The following KCNT2 variants were observed in gnomAD, a reference collection of about 807,000 sequenced individuals.
KCNT2 encodes the protein potassium channel subfamily T member 2.
In KCNT2, 67 loss-of-function variants were observed where a neutral mutation model predicts 153.8. The observed-to-expected ratio is 0.44, with a 90% confidence interval of 0.36 to 0.53. The LOEUF (loss-of-function observed/expected upper bound fraction) is 0.53, where lower values mean the gene tolerates loss of function less well. Among genes scored for constraint, KCNT2 ranks in the 20% least tolerant of loss-of-function variants. KCNT2 has a pLI of 0.00. For missense variants in KCNT2, 975 were observed against 1,354.8 expected, an observed-to-expected ratio of 0.72 and a Z score of 4.40; for synonymous variants, 500 against 458.8, an observed-to-expected ratio of 1.09 and a Z score of -1.15.
chr1:196,566,047 T>C (rs1393097199), intron 1 of KCNT2, among the ~76,000 whole-genome samples: 1 of 151,966 alleles, frequency 6.6e-6, no homozygotes, highest in African/African-American at 2.4e-5. Flanking sequence ...CTATAATGTA[T>C]ACATATTGTA....
At chr1:196,411,371 C>T (rs1672312988) in intron 12 of KCNT2, among the ~76,000 whole-genome samples, 1 of 134,092 alleles carries the variant, frequency 7.5e-6, no homozygotes, top group Non-Finnish European at 1.6e-5. Flanking sequence ...CTTCTTTGTT[C>T]TTAGGATTGC....
At chr1:196,450,042 T>A (rs1676023101) in intron 8 of KCNT2, among the ~76,000 whole-genome samples, 1 of 151,750 alleles carries the variant, frequency 6.6e-6, no homozygotes, top group Non-Finnish European at 1.5e-5. Context: ...AATAAAAAAA[T>A]ATTCTCAAAT....
rs368267040 is a variant in KCNT2, at chr1:196,422,301, C to A, written c.1185+749G>T. ...CCTGAAAGATCTATGCACAGTTTGC[C>A]TTTTCCCATTCTCTATAGAAACCAC... On this transcript the variant is annotated intron_variant, in intron 12 of 27. Coordinates refer to ENST00000294725, the MANE Select transcript of KCNT2 (RefSeq NM_198503.5). Among the ~76,000 whole-genome samples, 408 of 152,032 alleles carry A rather than the reference C, an allele frequency of 2.7e-3. 2 individuals carry two copies. Among genetic ancestry groups the A allele is most frequent in the African/African-American group, 9.4e-3 (391 of 41,492 alleles).
chr1:196,261,459 C>T (rs529211559), intron 25 of KCNT2, among the ~76,000 whole-genome samples: 176 of 151,908 alleles, frequency 1.2e-3, no homozygotes, highest in Middle Eastern at 3.4e-3. Flanking sequence ...TCTTAGAAAA[C>T]ACCCAATAAA....
Position 196,315,912 on chromosome 1 carries a change from C to T in KCNT2, c.2463G>A (p.Val821=). 6.2e-7 allele frequency: 1 copy of T among 1,607,232 alleles called. No individual in the cohort carries two copies. Among genetic ancestry groups the T allele is most frequent in the South Asian group, 1.1e-5 (1 of 90,302 alleles). The change falls in exon 21 of 28, where the codon GTG becomes GTA. Residue 821 remains valine (V), a synonymous_variant. Transcript: ENST00000294725. The part of the protein sequence containing the change: ...EDYMADAKTI[V]NVQTLFRLFS... ...CTTACCTGAAGAGTGTCTGCACGTTCACAATGGTTTTGGCATCTGCCATGT... is the reference window on the plus strand; with the variant it reads ...CTTACCTGAAGAGTGTCTGCACGTTTACAATGGTTTTGGCATCTGCCATGT...
intron 14 of KCNT2, among the ~76,000 whole-genome samples, chr1:196,345,838 A>C (rs920952970): frequency 6.6e-6 from 1 of 152,150 alleles, no homozygotes; most frequent in Non-Finnish European, 1.5e-5. Flanking sequence ...CAAACAAATA[A>C]ATATACATAT....
chr1:196,262,312 A>G (rs868188062), intron 25 of KCNT2, among the ~76,000 whole-genome samples: 2 of 151,954 alleles, frequency 1.3e-5, no homozygotes, highest in South Asian at 2.1e-4. Context: ...AAATAAATCA[A>G]TTCACTTAGT....
At chr1:196,312,051 A>T (rs1214423552) in intron 21 of KCNT2, among the ~76,000 whole-genome samples, 1 of 151,876 alleles carries the variant, frequency 6.6e-6, no homozygotes, top group African/African-American at 2.4e-5. Flanking sequence ...ATACATTTAA[A>T]TTTGAAATTG....
chr1:196,479,310 TAAC>T, intron 4 of KCNT2, 72 bp from the exon 5 acceptor site: 1 of 852,850 alleles, frequency 1.2e-6, no homozygotes, highest in Non-Finnish European at 1.9e-6. Context: ...GCTATACTAC[TAAC>T]TTTATTTAAA....
At chr1:196,396,734 A>T (rs1013430357) in intron 13 of KCNT2, among the ~76,000 whole-genome samples, 6 of 151,608 alleles carry the variant, frequency 4.0e-5, no homozygotes, top group Admixed American at 6.6e-5. Context: ...ATTGAGATAA[A>T]TGGTTGGGAT....
intron 3 of KCNT2, among the ~76,000 whole-genome samples, chr1:196,484,720 G>T (rs1274376617): frequency 6.6e-6 from 1 of 151,960 alleles, no homozygotes; most frequent in Non-Finnish European, 1.5e-5. Flanking sequence ...TAAGGAAGGG[G>T]TCCAGTTTCA....
intron 21 of KCNT2, among the ~76,000 whole-genome samples, chr1:196,311,073 C>T (rs1662130573): frequency 6.6e-6 from 1 of 151,802 alleles, no homozygotes; most frequent in East Asian, 1.9e-4. Flanking sequence ...AAAAGATTAT[C>T]AGTTCCTCAG....
chr1:196,430,407 TTTCTC>T (rs1674048837), intron 8 of KCNT2, among the ~76,000 whole-genome samples: 1 of 147,034 alleles, frequency 6.8e-6, no homozygotes, highest in Non-Finnish European at 1.5e-5. Context: ...TCTCTCTCTC[TTTCTC>T]TCTCTCTTTC....
chr1:196,361,991 C>A (rs1037735771), intron 14 of KCNT2, among the ~76,000 whole-genome samples: 1 of 151,812 alleles, frequency 6.6e-6, no homozygotes, highest in African/African-American at 2.4e-5. Flanking sequence ...ATTTTATCCA[C>A]CTAAGGAGGA....
intron 14 of KCNT2, among the ~76,000 whole-genome samples, chr1:196,363,661 C>T (rs1184097880): frequency 1.3e-5 from 2 of 152,150 alleles, no homozygotes; most frequent in Non-Finnish European, 2.9e-5. Context: ...TTTACACATA[C>T]TGTCTTGGCC....
At chr1:196,392,553 G>A (rs1420250550) in intron 13 of KCNT2, among the ~76,000 whole-genome samples, 2 of 151,396 alleles carry the variant, frequency 1.3e-5, no homozygotes, top group Non-Finnish European at 3.0e-5. Flanking sequence ...ACCATTTGGT[G>A]AAAGTCAAGC....
At chr1:196,320,034 T>C (rs1468020686) in intron 19 of KCNT2, among the ~76,000 whole-genome samples, 1 of 151,826 alleles carries the variant, frequency 6.6e-6, no homozygotes, top group Non-Finnish European at 1.5e-5. Context: ...ACATGCCCTA[T>C]ATAATATGTC....
At chr1:196,516,275 T>A (rs1682042751) in intron 1 of KCNT2, among the ~76,000 whole-genome samples, 1 of 151,370 alleles carries the variant, frequency 6.6e-6, no homozygotes, top group East Asian at 2.0e-4. Flanking sequence ...ATAACCTTAA[T>A]CATTGTTGCC....
At chr1:196,281,448 C>T (rs189346480) in intron 24 of KCNT2, among the ~76,000 whole-genome samples, 654 of 152,204 alleles carry the variant, frequency 4.3e-3, no homozygotes, top group Non-Finnish European at 6.7e-3. Flanking sequence ...GCTGATGTTA[C>T]CAAATGCGAA....
Sources: gnomAD v4.1 joint callset for allele counts (sites outside exome capture counted in the v4.1 genomes callset) on GRCh38, gnomAD v4.1.1 for gene constraint, MANE v1.5 for transcripts, NCBI Gene and HGNC (gene_info 2026-07-23, HGNC 2026-07-21) for gene names.